ENOX1: variants seen among roughly 807,000 people sequenced by gnomAD.
ENOX1 encodes the protein ecto-NOX disulfide-thiol exchanger 1, also known as candidate growth-related and time keeping constitutive hydroquinone (NADH) oxidase.
Under a neutral mutation model 82.5 loss-of-function variants are expected in ENOX1, and 42 were observed. The ratio of observed to expected loss-of-function variants is 0.51; its 90% CI spans 0.40 to 0.66. The LOEUF is 0.66. ENOX1 is among the 30% of genes least tolerant of loss of function. The pLI, the probability that ENOX1 is intolerant of heterozygous loss-of-function variation, is 0.00. For synonymous variants in ENOX1, 271 were observed against 282.2 expected, an observed-to-expected ratio of 0.96 and a Z score of 0.40; for missense variants, 608 against 811.6, an observed-to-expected ratio of 0.75 and a Z score of 3.05.
intron 2 of ENOX1, among the ~76,000 whole-genome samples, chr13:43,584,305 T>C (rs1033575121): frequency 3.3e-5 from 5 of 152,232 alleles, no homozygotes; most frequent in Admixed American, 2.0e-4. Flanking sequence ...CCCCCCACTA[T>C]ACACATCCAT....
Position 43,327,845 on chromosome 13 carries a change from T to A in ENOX1, c.1037-1320A>T. On this transcript the variant is annotated intron_variant, in intron 9 of 16. Transcript: ENST00000690772. ...AAGCAGATTCCATTCACTTACAATA[T>A]CGTGAATACTTTTCTATGCTGATGA... 1.3e-5 allele frequency among the ~76,000 whole-genome samples: 2 copies of A among 152,224 alleles called. 1 individual carries two copies. The highest frequency in any genetic ancestry group is 3.8e-4 in the East Asian group (2 of 5,196).
intron 3 of ENOX1, among the ~76,000 whole-genome samples, chr13:43,455,093 TC>T (rs1250420992): frequency 6.6e-6 from 1 of 152,192 alleles, no homozygotes; most frequent in Non-Finnish European, 1.5e-5. Context: ...TAGAGCACAT[TC>T]TCTAGTAGCT....
At chr13:43,444,351 T>G (rs1214301383) in intron 3 of ENOX1, among the ~76,000 whole-genome samples, 1 of 152,112 alleles carries the variant, frequency 6.6e-6, no homozygotes, top group Non-Finnish European at 1.5e-5. Context: ...ATCACACTGG[T>G]GTGAGTGGAG....
At chr13:43,306,343 T>A (rs961832759) in intron 11 of ENOX1, among the ~76,000 whole-genome samples, 22 of 152,318 alleles carry the variant, frequency 1.4e-4, no homozygotes, top group African/African-American at 4.6e-4. Flanking sequence ...CTCTTCCTTT[T>A]CTTTTAATTC....
chr13:43,677,159 T>C (rs1436438730), intron 1 of ENOX1, among the ~76,000 whole-genome samples: 3 of 151,968 alleles, frequency 2.0e-5, no homozygotes, highest in Non-Finnish European at 4.4e-5. Flanking sequence ...GTGTAGTCAA[T>C]GAGATTGGCA....
At chr13:43,781,818 C>T (rs758280938) in intron 1 of ENOX1, among the ~76,000 whole-genome samples, 21 of 152,122 alleles carry the variant, frequency 1.4e-4, no homozygotes, top group Non-Finnish European at 1.5e-5. Context: ...GCCTTGTCCA[C>T]TATTTAAATA....
chr13:43,707,041 G>A (rs1241941364), intron 1 of ENOX1, among the ~76,000 whole-genome samples: 2 of 151,962 alleles, frequency 1.3e-5, no homozygotes, highest in East Asian at 3.9e-4. Flanking sequence ...TAAAATTACT[G>A]GAACTGAAAA....
chr13:43,514,237 G>GT (rs1381859903), intron 2 of ENOX1, among the ~76,000 whole-genome samples: 2 of 152,108 alleles, frequency 1.3e-5, no homozygotes, highest in Admixed American at 6.6e-5. Context: ...GTAATTGAGA[G>GT]TTTTTTGTTT....
chr13:43,682,763 C>T (rs1340757265), intron 1 of ENOX1, among the ~76,000 whole-genome samples: 1 of 152,116 alleles, frequency 6.6e-6, no homozygotes, highest in African/African-American at 2.4e-5. Flanking sequence ...TCTCCAGATG[C>T]CTCTCAGAAA....
chr13:43,351,900 G>A (rs377767106), intron 8 of ENOX1, among the ~76,000 whole-genome samples: 2 of 151,924 alleles, frequency 1.3e-5, no homozygotes, highest in Non-Finnish European at 1.5e-5. Flanking sequence ...TAAATAAAAC[G>A]GCCTATCTTG....
chr13:43,478,063 T>A (rs75803728), intron 3 of ENOX1, among the ~76,000 whole-genome samples: 1 of 149,238 alleles, frequency 6.7e-6, no homozygotes, highest in Non-Finnish European at 1.5e-5. Flanking sequence ...GGTTTTTTTT[T>A]TTTTTTTTTT....
At chr13:43,580,547 T>C (rs542598632) in intron 2 of ENOX1, among the ~76,000 whole-genome samples, 264 of 152,220 alleles carry the variant, frequency 1.7e-3, no homozygotes, top group Non-Finnish European at 3.0e-3. Flanking sequence ...GAAAGCCATT[T>C]TCACCTCCCC....
At chr13:43,559,209 G>A (rs1400445931) in intron 2 of ENOX1, among the ~76,000 whole-genome samples, 2 of 152,138 alleles carry the variant, frequency 1.3e-5, no homozygotes, top group Admixed American at 6.6e-5. Flanking sequence ...ACAGCCCTAT[G>A]GCCTGCTGAA....
intron 2 of ENOX1, among the ~76,000 whole-genome samples, chr13:43,625,359 T>C (rs563748641): frequency 3.0e-4 from 45 of 152,134 alleles, no homozygotes; most frequent in Non-Finnish European, 8.8e-5. Flanking sequence ...TTTTCTTGCC[T>C]TTTGGCACTC....
chr13:43,245,007 C>T (rs919152343), intron 14 of ENOX1, among the ~76,000 whole-genome samples: 3 of 152,166 alleles, frequency 2.0e-5, no homozygotes, highest in African/African-American at 7.2e-5. Flanking sequence ...AAATGATGTG[C>T]CAGTTGCCAA....
intron 2 of ENOX1, among the ~76,000 whole-genome samples, chr13:43,598,550 T>A (rs1416004294): frequency 2.6e-5 from 4 of 152,186 alleles, no homozygotes; most frequent in Non-Finnish European, 4.4e-5. Flanking sequence ...ACTTGCATGG[T>A]CTATGGGCAG....
At chr13:43,257,625 TTTTTA>T (rs915353152) in intron 14 of ENOX1, among the ~76,000 whole-genome samples, 7 of 152,206 alleles carry the variant, frequency 4.6e-5, no homozygotes, top group African/African-American at 1.7e-4. Flanking sequence ...AATGGTTATC[TTTTTA>T]TTTTTTCTGC....
At chr13:43,296,474 C>T (rs370887534) in intron 12 of ENOX1, among the ~76,000 whole-genome samples, 3 of 152,166 alleles carry the variant, frequency 2.0e-5, no homozygotes, top group African/African-American at 4.8e-5. Context: ...TCAGAAGGAA[C>T]CACCCCTGCT....
intron 1 of ENOX1, among the ~76,000 whole-genome samples, chr13:43,768,849 T>A (rs748874387): frequency 1.3e-5 from 2 of 152,242 alleles, no homozygotes; most frequent in Non-Finnish European, 2.9e-5. Flanking sequence ...GTTGTCTGCC[T>A]AGGTCACAAA....
Sources: gnomAD v4.1 joint callset for allele counts (sites outside exome capture counted in the v4.1 genomes callset) on GRCh38, gnomAD v4.1.1 for gene constraint, MANE v1.5 for transcripts, NCBI Gene and HGNC (gene_info 2026-07-23, HGNC 2026-07-21) for gene names.